The following EYS variants were observed in gnomAD, a reference collection of about 807,000 sequenced individuals.
EYS encodes protein eyes shut homolog.
EYS carries 250 observed loss-of-function variants against 282.1 expected under a neutral mutation model. The ratio of observed to expected loss-of-function variants is 0.89; its 90% confidence interval spans 0.80 to 0.98. The LOEUF (loss-of-function observed/expected upper bound fraction) is 0.98, where lower values mean the gene tolerates loss of function less well. Among genes scored for constraint, EYS ranks in the 50% least tolerant of loss-of-function variants. The probability of loss-of-function intolerance (pLI) is 0.00; values close to 1 mark genes in which losing one functional copy is unlikely to be tolerated. For synonymous variants in EYS, 1,355 were observed against 1,282.9 expected (o/e 1.06, Z -1.20); for missense variants, 4,016 against 3,709.0 (o/e 1.08, Z -2.15).
chr6:64,933,978 G>A (rs958764840), intron 15 of EYS, among the ~76,000 whole-genome samples: 2 of 151,910 alleles, frequency 1.3e-5, no homozygotes, highest in Non-Finnish European at 2.9e-5. Context: ...CTGTTGGGGG[G>A]TCAGGGGGAT....
chr6:64,525,097 A>C, intron 26 of EYS, among the ~76,000 whole-genome samples: 1 of 151,832 alleles, frequency 6.6e-6, no homozygotes, highest in South Asian at 2.1e-4. Context: ...TAGTTCAACT[A>C]TTGTGGAAAG....
chr6:63,791,267 T>A (rs1370076618), intron 37 of EYS, among the ~76,000 whole-genome samples: 1 of 152,080 alleles, frequency 6.6e-6, no homozygotes, highest in Non-Finnish European at 1.5e-5. Flanking sequence ...GAACAGGGTA[T>A]GTTTAAGAAC....
rs35395170 is a variant in EYS at position 64,307,084 on chromosome 6, TGAGAGAGA to T, written c.6079-10_6079-3del. 34 of 881,122 alleles carry T rather than the reference TGAGAGAGA, an allele frequency of 3.9e-5. No homozygotes were observed. The highest frequency in any genetic ancestry group is 5.1e-5 in the African/African-American group (3 of 58,818). The allele number at this position is 881,122 out of a possible 1,614,324, so 54.6% of individuals were successfully genotyped here. On this transcript the variant is annotated splice_region_variant and splice_polypyrimidine_tract_variant and intron_variant, in intron 29 of 42. Transcript: ENST00000503581. ...AAAATTCTTGACTGGTACAGGCATC[TGAGAGAGA>T]GAGAGAGAGAGAGAAGTAGAGATAA...
intron 2 of EYS, among the ~76,000 whole-genome samples, chr6:65,537,720 A>C (rs1249987993): frequency 6.6e-6 from 1 of 152,216 alleles, no homozygotes. Context: ...TTGCTACCAG[A>C]AAAGACTTGC....
At position 64,385,693 on chromosome 6, in the gene EYS, C is replaced by T. The variant is rs578199453; in HGVS notation, c.6078+2997G>A. On this transcript the variant is annotated intron_variant, in intron 29 of 42. Transcript: ENST00000503581. ...AACTCTGTCCTCCCCTACATAACAA[C>T]CTCTCTGACTTATTAACAAGCTTCT... Among the ~76,000 whole-genome samples the T allele has an allele frequency of 3.7e-4, 57 of 152,310 alleles. No individual in the cohort carries two copies. The South Asian group carries it at 0.011, about 29-fold the overall frequency.
Position 63,806,320 on chromosome 6 carries a change from G to A in EYS, c.7281C>T (p.Thr2427=), listed in dbSNP as rs745331821. 49 of 1,551,396 alleles carry A rather than the reference G, an allele frequency of 3.2e-5. No homozygotes were observed. Among genetic ancestry groups the A allele is most frequent in the Non-Finnish European group, 3.9e-5 (45 of 1,146,782 alleles). The part of the protein sequence containing the change: ...RFSGTDAFGY[T]SFLAYSRISD... ...AGATCCGTGAATAAGCCAGGAATGA[G>A]GTGTATCCAAAGGCATCTGTGCCAC... Residue 2427 remains threonine, a synonymous_variant, in exon 37 of 43, where the codon ACC becomes ACT. Coordinates refer to ENST00000503581, the MANE Select transcript of EYS (RefSeq NM_001142800.2).
chr6:65,358,950 C>T (rs1419529559), intron 8 of EYS, among the ~76,000 whole-genome samples: 1 of 152,000 alleles, frequency 6.6e-6, no homozygotes, highest in Non-Finnish European at 1.5e-5. Flanking sequence ...TGATCTATTT[C>T]TTCTTTTAGT....
intron 22 of EYS, among the ~76,000 whole-genome samples, chr6:64,670,295 A>G (rs1454816180): frequency 2.0e-5 from 3 of 152,106 alleles, no homozygotes; most frequent in African/African-American, 7.2e-5. Context: ...AGTTCAGCTC[A>G]GACTGAGTTA....
chr6:64,658,762 C>A (rs1768865247), intron 22 of EYS, among the ~76,000 whole-genome samples: 3 of 152,212 alleles, frequency 2.0e-5, no homozygotes, highest in African/African-American at 7.2e-5. Flanking sequence ...CAGTCTGCCC[C>A]TACTGGGGGG....
intron 12 of EYS, among the ~76,000 whole-genome samples, chr6:65,081,643 T>C (rs1774233316): frequency 6.6e-6 from 1 of 152,048 alleles, no homozygotes; most frequent in Non-Finnish European, 1.5e-5. Flanking sequence ...AACTTTCACA[T>C]TGTTTTCTTT....
At chr6:65,352,511 T>C (rs754737858) in intron 9 of EYS, among the ~76,000 whole-genome samples, 23 of 152,074 alleles carry the variant, frequency 1.5e-4, no homozygotes, top group Non-Finnish European at 2.9e-4. Context: ...ATTGAAACTC[T>C]ATAATATAAA....
At chr6:64,974,593 G>C (rs1283538352) in intron 14 of EYS, among the ~76,000 whole-genome samples, 5 of 151,792 alleles carry the variant, frequency 3.3e-5, no homozygotes, top group African/African-American at 1.2e-4. Context: ...ATTTGGGGGA[G>C]ATTAAACTAC....
At chr6:64,067,423 A>T (rs1771412180) in intron 32 of EYS, among the ~76,000 whole-genome samples, 1 of 152,084 alleles carries the variant, frequency 6.6e-6, no homozygotes, top group African/African-American at 2.4e-5. Flanking sequence ...CACTATCTTG[A>T]TGTTTAACAG....
intron 22 of EYS, among the ~76,000 whole-genome samples, chr6:64,725,675 A>G (rs987187979): frequency 2.0e-5 from 3 of 152,106 alleles, no homozygotes; most frequent in African/African-American, 4.8e-5. Context: ...ACTAAACAGC[A>G]TCACCATCCA....
intron 42 of EYS, among the ~76,000 whole-genome samples, chr6:63,722,446 G>C (rs989289808): frequency 4.6e-5 from 7 of 152,080 alleles, no homozygotes; most frequent in African/African-American, 1.7e-4. Flanking sequence ...CTCCATTACA[G>C]TATATCTCAT....
intron 19 of EYS, among the ~76,000 whole-genome samples, chr6:64,843,913 C>T (rs1366535749): frequency 3.9e-5 from 6 of 152,152 alleles, no homozygotes; most frequent in Middle Eastern, 3.4e-3. Flanking sequence ...GGGAGGGACC[C>T]GGTGGGAGAT....
At chr6:63,915,992 A>T (rs1387583982) in intron 35 of EYS, among the ~76,000 whole-genome samples, 1 of 152,262 alleles carries the variant, frequency 6.6e-6, no homozygotes, top group Admixed American at 6.5e-5. Context: ...ACAGAAATTT[A>T]GTTGATAAAG....
At chr6:64,484,785 G>C (rs1582809903) in intron 26 of EYS, among the ~76,000 whole-genome samples, 1 of 151,560 alleles carries the variant, frequency 6.6e-6, no homozygotes, top group East Asian at 2.0e-4. Flanking sequence ...TCAGGATTAA[G>C]GGCCATAAAA....
intron 33 of EYS, among the ~76,000 whole-genome samples, chr6:64,042,065 T>C (rs777892460): frequency 3.3e-5 from 5 of 152,164 alleles, no homozygotes; most frequent in African/African-American, 9.7e-5. Flanking sequence ...CTCTATCCTT[T>C]AGAAAGTTCA....
Sources: allele counts gnomAD v4.1 joint callset (sites outside exome capture counted in the v4.1 genomes callset), GRCh38; gene constraint gnomAD v4.1.1; transcripts MANE v1.5; gene names NCBI Gene and HGNC (gene_info 2026-07-23, HGNC 2026-07-21).